Variants in ELMO1 observed in about 807,000 individuals in gnomAD.
ELMO1 encodes the protein engulfment and cell motility 1.
In ELMO1, 26 loss-of-function variants were observed where a neutral mutation model predicts 98.9. The observed-to-expected ratio is 0.26, with a 90% CI of 0.19 to 0.36. The LOEUF is 0.36. Among genes scored for constraint, ELMO1 ranks in the 10% least tolerant of loss-of-function variants. The pLI is 1.00. For missense variants in ELMO1, 627 were observed against 935.2 expected (o/e 0.67, Z 4.30); for synonymous variants, 346 against 346.0 (o/e 1.00, Z 0.00).
chr7:37,205,527 G>A (rs1013985346), intron 13 of ELMO1, among the ~76,000 whole-genome samples: 2 of 152,026 alleles, frequency 1.3e-5, no homozygotes, highest in African/African-American at 4.8e-5. Flanking sequence ...TTACACTTCG[G>A]AACATAAAAA....
intron 16 of ELMO1, among the ~76,000 whole-genome samples, chr7:36,983,688 G>A (rs1791260423): frequency 6.6e-6 from 1 of 152,208 alleles, no homozygotes. Flanking sequence ...AGCAGTGCCT[G>A]GCACACAGTA....
At chr7:37,288,141 G>A (rs1360386039) in intron 4 of ELMO1, among the ~76,000 whole-genome samples, 1 of 151,932 alleles carries the variant, frequency 6.6e-6, no homozygotes, top group African/African-American at 2.4e-5. Context: ...TGTATTTTTG[G>A]TAGAGACAGG....
At chr7:36,863,328 A>G (rs759254465) in intron 20 of ELMO1, among the ~76,000 whole-genome samples, 20 of 152,156 alleles carry the variant, frequency 1.3e-4, no homozygotes, top group Admixed American at 1.2e-3. Context: ...AAACAAAAAC[A>G]ATTTGCCATT....
intron 20 of ELMO1, among the ~76,000 whole-genome samples, chr7:36,866,789 C>T (rs191893058): frequency 6.6e-6 from 1 of 152,256 alleles, no homozygotes; most frequent in East Asian, 1.9e-4. Context: ...TACTGACAGA[C>T]CTCTTATGAA....
intron 13 of ELMO1, among the ~76,000 whole-genome samples, chr7:37,162,567 C>A (rs184978724): frequency 2.8e-4 from 42 of 152,256 alleles, no homozygotes; most frequent in African/African-American, 8.7e-4. Context: ...CAAATATATA[C>A]CATAATGACA....
At chr7:36,856,294 T>G (rs1802191587) in intron 21 of ELMO1, among the ~76,000 whole-genome samples, 1 of 152,198 alleles carries the variant, frequency 6.6e-6, no homozygotes, top group Admixed American at 6.5e-5. Flanking sequence ...CCAATGGCAG[T>G]CCCACCTTGG....
At chr7:37,086,859 CG>C (rs1192003893) in intron 15 of ELMO1, among the ~76,000 whole-genome samples, 1 of 152,008 alleles carries the variant, frequency 6.6e-6, no homozygotes, top group Non-Finnish European at 1.5e-5. Flanking sequence ...AGAGTCATCC[CG>C]TGAAGTTTCC....
At chr7:37,195,707 C>T (rs1403359616) in intron 13 of ELMO1, among the ~76,000 whole-genome samples, 10 of 152,200 alleles carry the variant, frequency 6.6e-5, no homozygotes, top group African/African-American at 2.4e-4. Flanking sequence ...CAGACCTGGT[C>T]CCAGACGGAC....
At chr7:36,911,742 G>A (rs1444902021) in intron 16 of ELMO1, among the ~76,000 whole-genome samples, 1 of 152,144 alleles carries the variant, frequency 6.6e-6, no homozygotes, top group Non-Finnish European at 1.5e-5. Flanking sequence ...CAAAAGTCAT[G>A]CTGATATCTC....
intron 1 of ELMO1, among the ~76,000 whole-genome samples, chr7:37,347,143 C>G (rs1250510002): frequency 6.6e-6 from 1 of 152,184 alleles, no homozygotes; most frequent in African/African-American, 2.4e-5. Context: ...AATGGATAAT[C>G]TAGTTCATGT....
chr7:37,225,772 T>C (rs991245198), intron 8 of ELMO1, among the ~76,000 whole-genome samples: 1 of 152,088 alleles, frequency 6.6e-6, no homozygotes, highest in African/African-American at 2.4e-5. Flanking sequence ...GAAAATAAAA[T>C]AGAGGTTAGA....
intron 15 of ELMO1, among the ~76,000 whole-genome samples, chr7:37,085,367 C>T (rs1783707704): frequency 6.6e-6 from 1 of 152,048 alleles, no homozygotes; most frequent in African/African-American, 2.4e-5. Flanking sequence ...TTGTTTCACT[C>T]ATGTATATTT....
At chr7:36,907,800 AT>A (rs1784068022) in intron 16 of ELMO1, among the ~76,000 whole-genome samples, 1 of 152,096 alleles carries the variant, frequency 6.6e-6, no homozygotes, top group Non-Finnish European at 1.5e-5. Flanking sequence ...GACATCACTA[AT>A]CTATCACGGC....
chr7:37,268,786 G>A (rs1691878033), intron 5 of ELMO1, among the ~76,000 whole-genome samples: 1 of 152,234 alleles, frequency 6.6e-6, no homozygotes, highest in Admixed American at 6.5e-5. Context: ...TAGTATTAGT[G>A]ACCATTTCTC....
chr7:37,367,850 A>T (rs191951059), intron 1 of ELMO1, among the ~76,000 whole-genome samples: 1 of 152,318 alleles, frequency 6.6e-6, no homozygotes, highest in African/African-American at 2.4e-5. Context: ...AGTATATAAT[A>T]AGCATATATT....
At chr7:37,333,783 C>G (rs1800253597) in intron 2 of ELMO1, among the ~76,000 whole-genome samples, 1 of 152,130 alleles carries the variant, frequency 6.6e-6, no homozygotes, top group Non-Finnish European at 1.5e-5. Flanking sequence ...TGTCATTTCA[C>G]CTATTATGAC....
At chr7:36,943,589 A>G (rs535524758) in intron 16 of ELMO1, among the ~76,000 whole-genome samples, 1 of 152,228 alleles carries the variant, frequency 6.6e-6, no homozygotes, top group Non-Finnish European at 1.5e-5. Context: ...AACCATGTAC[A>G]ACTGCTACGT....
intron 15 of ELMO1, among the ~76,000 whole-genome samples, chr7:37,055,856 ATCTT>A (rs1259128964): frequency 4.6e-5 from 7 of 152,106 alleles, no homozygotes; most frequent in African/African-American, 1.7e-4. Context: ...GGCAGCCACA[ATCTT>A]TCTAAGGGAG....
intron 2 of ELMO1, among the ~76,000 whole-genome samples, chr7:37,321,774 A>T (rs2131142897): frequency 6.6e-6 from 1 of 150,580 alleles, no homozygotes; most frequent in East Asian, 1.9e-4. Context: ...CAGGAGAAAA[A>T]TTAATTTAGT....
Sources: allele counts gnomAD v4.1 joint callset (sites outside exome capture counted in the v4.1 genomes callset), GRCh38; gene constraint gnomAD v4.1.1; transcripts MANE v1.5; gene names NCBI Gene and HGNC (gene_info 2026-07-23, HGNC 2026-07-21).